CASQ2: variants seen among roughly 807,000 people sequenced by gnomAD.
CASQ2 encodes the protein calsequestrin-2.
A neutral mutation model predicts 46.5 loss-of-function variants in CASQ2; 49 were observed. The observed-to-expected ratio is 1.05, with a 90% CI of 0.84 to 1.34. CASQ2 has a LOEUF of 1.34. CASQ2 is among the 40% of genes most tolerant of loss of function. The pLI is 0.00. For synonymous variants in CASQ2, 174 were observed against 168.5 expected (o/e 1.03, Z -0.25); for missense variants, 486 against 481.3 (o/e 1.01, Z -0.09).
chr1:115,724,224 G>C (rs1647489690), intron 7 of CASQ2, among the ~76,000 whole-genome samples: 1 of 152,202 alleles, frequency 6.6e-6, no homozygotes, highest in South Asian at 2.1e-4. Flanking sequence ...ATGGTTTTTA[G>C]TTATGTGTCT....
At chr1:115,739,049 T>C (rs1282257305) in intron 3 of CASQ2, among the ~76,000 whole-genome samples, 2 of 110,750 alleles carry the variant, frequency 1.8e-5, no homozygotes, top group South Asian at 6.2e-4. Flanking sequence ...TTGCAAATGA[T>C]AGTTTTCTTT....
intron 1 of CASQ2, among the ~76,000 whole-genome samples, chr1:115,758,068 G>C (rs541919232): frequency 6.6e-6 from 1 of 152,298 alleles, no homozygotes; most frequent in African/African-American, 2.4e-5. Context: ...ACAAACTAAA[G>C]ACATCTGTCC....
At chr1:115,715,846 C>T (rs1434179893) in intron 8 of CASQ2, among the ~76,000 whole-genome samples, 1 of 152,174 alleles carries the variant, frequency 6.6e-6, no homozygotes, top group Non-Finnish European at 1.5e-5. Context: ...TCATCTAACT[C>T]TCTAATCATC....
At chr1:115,737,562 A>G (rs1360295031) in intron 4 of CASQ2, among the ~76,000 whole-genome samples, 2 of 152,110 alleles carry the variant, frequency 1.3e-5, no homozygotes, top group Admixed American at 6.5e-5. Context: ...TATGTACAGT[A>G]CTCAAGTGCT....
intron 1 of CASQ2, among the ~76,000 whole-genome samples, chr1:115,748,411 A>G (rs1308988138): frequency 6.6e-6 from 1 of 152,086 alleles, no homozygotes; most frequent in Non-Finnish European, 1.5e-5. Context: ...TTCGAAGAGC[A>G]AGGATTGTGA....
rs1444049361 is a variant in CASQ2 at position 115,701,472 on chromosome 1, T to C, written c.1015-46A>G. The stretch of plus-strand genomic sequence containing the variant: ...AATGAGTGGGTAAATGCATGAGGGC[T>C]GAACCAGACCAGGGATAGCCGTGCT... On this transcript the variant is annotated intron_variant, in intron 10 of 10. Transcript: ENST00000261448. The C allele has an allele frequency of 2.4e-6, 3 of 1,265,488 alleles. No homozygotes were observed. In the South Asian group the frequency reaches 3.6e-5, roughly 15 times the overall value. 78.4% of individuals were successfully genotyped at this position (1,265,488 alleles called of 1,614,324 possible). A position where few individuals can be genotyped will look rare whatever the true frequency, so the allele number is the denominator to read the frequency against.
chr1:115,712,166 G>A (rs1028109414), intron 8 of CASQ2, among the ~76,000 whole-genome samples: 1 of 152,178 alleles, frequency 6.6e-6, no homozygotes, highest in African/African-American at 2.4e-5. Context: ...GGACAGACAA[G>A]GCTGGGAGCT....
At chr1:115,710,336 A>T (rs1016056951) in intron 8 of CASQ2, among the ~76,000 whole-genome samples, 1 of 152,236 alleles carries the variant, frequency 6.6e-6, no homozygotes, top group African/African-American at 2.4e-5. Flanking sequence ...AGACCCAAGG[A>T]GAGCAAATGA....
chr1:115,702,495 G>A (rs1654237105), intron 10 of CASQ2, among the ~76,000 whole-genome samples: 1 of 152,216 alleles, frequency 6.6e-6, no homozygotes, highest in Admixed American at 6.5e-5. Context: ...CCCTTCTGCA[G>A]GCCTGGTCTC....
intron 1 of CASQ2, among the ~76,000 whole-genome samples, chr1:115,756,949 T>G (rs757560812): frequency 2.2e-4 from 34 of 152,080 alleles, no homozygotes; most frequent in Non-Finnish European, 4.3e-4. Flanking sequence ...AGCGAGACTC[T>G]GTCTCTAAAT....
intron 2 of CASQ2, among the ~76,000 whole-genome samples, chr1:115,743,683 A>C: frequency 9.0e-6 from 1 of 111,384 alleles, no homozygotes; most frequent in Non-Finnish European, 2.0e-5. Context: ...CTGAGCCACC[A>C]CTAATCTTTT....
intron 7 of CASQ2, among the ~76,000 whole-genome samples, chr1:115,719,514 TA>T (rs904729730): frequency 8.5e-5 from 13 of 152,202 alleles, no homozygotes; most frequent in African/African-American, 3.1e-4. Flanking sequence ...AGGCTGCTCA[TA>T]ATACGGCTGT....
chr1:115,719,918 G>A (rs979835034), intron 7 of CASQ2, among the ~76,000 whole-genome samples: 16 of 152,192 alleles, frequency 1.1e-4, no homozygotes, highest in African/African-American at 3.9e-4. Context: ...CTCACTAAAA[G>A]AAGGGATTAT....
intron 1 of CASQ2, among the ~76,000 whole-genome samples, chr1:115,761,197 T>A (rs948436850): frequency 2.7e-5 from 4 of 150,578 alleles, no homozygotes; most frequent in Non-Finnish European, 4.4e-5. Context: ...AATGGTGGTA[T>A]ACCAGCCTGG....
intron 1 of CASQ2, among the ~76,000 whole-genome samples, chr1:115,747,228 G>T (rs1339326693): frequency 8.6e-5 from 13 of 152,046 alleles, no homozygotes; most frequent in Admixed American, 6.6e-4. Context: ...TGGTGAAAAG[G>T]CTGTCTTTCA....
intron 5 of CASQ2, among the ~76,000 whole-genome samples, chr1:115,730,118 C>G (rs942912906): frequency 5.3e-5 from 8 of 152,292 alleles, no homozygotes; most frequent in Non-Finnish European, 8.8e-5. Context: ...CCTCCACACC[C>G]TTTAAAATTC....
At chr1:115,750,453 G>A (rs1557802128) in intron 1 of CASQ2, among the ~76,000 whole-genome samples, 1 of 152,172 alleles carries the variant, frequency 6.6e-6, no homozygotes, top group Non-Finnish European at 1.5e-5. Context: ...AACCATTGCT[G>A]ATTCTTTTAA....
chr1:115,722,057 T>C (rs954950625), intron 7 of CASQ2, among the ~76,000 whole-genome samples: 3 of 152,210 alleles, frequency 2.0e-5, no homozygotes, highest in Admixed American at 2.0e-4. Flanking sequence ...TTTCTGTTTC[T>C]CCCTTTCAAG....
Position 115,701,044 on chromosome 1 carries a change from C to A in CASQ2, c.*197G>T, listed in dbSNP as rs932876716. On this transcript the variant is annotated 3_prime_UTR_variant, in exon 11 of 11. Coordinates refer to ENST00000261448, the MANE Select transcript of CASQ2 (RefSeq NM_001232.4). ...GGGAATAATTTTTCTCCTGTCCCTG[C>A]TAAGTGGGATTGCTGCATTTGAAAA... 2.6e-6 allele frequency: 2 copies of A among 763,272 alleles called. No homozygotes were observed. Among genetic ancestry groups the A allele is most frequent in the East Asian group, 2.4e-5 (1 of 40,928 alleles). 47.3% of individuals were successfully genotyped at this position (763,272 alleles called of 1,614,324 possible).
Sources: gnomAD v4.1 joint callset for allele counts (sites outside exome capture counted in the v4.1 genomes callset) on GRCh38, gnomAD v4.1.1 for gene constraint, MANE v1.5 for transcripts, NCBI Gene and HGNC (gene_info 2026-07-23, HGNC 2026-07-21) for gene names.